The following CHODL variants were observed in gnomAD, a reference collection of about 807,000 sequenced individuals.
CHODL encodes chondrolectin, also known as transmembrane protein MT75.
Under a neutral mutation model 34.5 loss-of-function variants are expected in CHODL, and 29 were observed. The observed-to-expected ratio is 0.84, with a 90% CI of 0.63 to 1.15. The LOEUF is 1.15. Ranked by LOEUF, CHODL falls within the 50% of genes most tolerant of loss-of-function variation. The pLI is 0.00. For missense variants in CHODL, 332 were observed against 332.5 expected (o/e 1.00, Z 0.01); for synonymous variants, 125 against 116.1 (o/e 1.08, Z -0.49).
At chr21:18,185,833 C>G (rs7279833) in intron 2 of CHODL, among the ~76,000 whole-genome samples, 13,811 of 152,136 alleles carry the variant, frequency 0.091, 700 homozygotes, top group East Asian at 0.21. Context: ...TTTCACTAAC[C>G]TTATATGGTA....
chr21:18,167,472 G>T (rs1174052704), intron 2 of CHODL, among the ~76,000 whole-genome samples: 2 of 151,618 alleles, frequency 1.3e-5, no homozygotes, highest in Non-Finnish European at 2.9e-5. Flanking sequence ...ACCACGCCCG[G>T]CTAATTTTTT....
In CHODL at chr21:17,974,355, C is replaced by T. The variant is rs561820391; in HGVS notation, c.-144-53517C>T. On this transcript the variant is annotated intron_variant, in intron 1 of 6. Coordinates refer to the CHODL transcript ENST00000400127. ...TGGTGCGGTCTTGGCTCACTGCAAC[C>T]TCCGCCTCCTGGGTTCAAACAATTC... Among the ~76,000 whole-genome samples the T allele has an allele frequency of 2.0e-5, 3 of 152,250 alleles. No individual in the cohort carries two copies. In the South Asian group the frequency reaches 6.2e-4, roughly 32 times the overall value.
intron 2 of CHODL, among the ~76,000 whole-genome samples, chr21:18,107,046 GA>G (rs751619227): frequency 2.0e-5 from 3 of 152,218 alleles, no homozygotes; most frequent in Non-Finnish European, 4.4e-5. Context: ...GACCTCTGGA[GA>G]ACCCTCTCCC....
intron 2 of CHODL, among the ~76,000 whole-genome samples, chr21:18,041,198 A>G (rs1324385331): frequency 4.6e-5 from 7 of 151,914 alleles, no homozygotes; most frequent in Non-Finnish European, 8.8e-5. Flanking sequence ...TTGGCCTGTC[A>G]TAGACAGACA....
intron 1 of CHODL, chr21:18,245,879 A>T: frequency 6.5e-7 from 1 of 1,534,030 alleles, no homozygotes; most frequent in Non-Finnish European, 8.7e-7. Flanking sequence ...TCCTTTGCAC[A>T]CTGCGTTCCA....
At chr21:18,229,627 G>C (rs1034661145) in intron 2 of CHODL, among the ~76,000 whole-genome samples, 7 of 152,104 alleles carry the variant, frequency 4.6e-5, no homozygotes, top group Admixed American at 3.9e-4. Context: ...TAATTCTTCA[G>C]TGTTAGGGTG....
chr21:17,999,516 A>G (rs895035089), intron 1 of CHODL, among the ~76,000 whole-genome samples: 10 of 152,216 alleles, frequency 6.6e-5, no homozygotes, highest in African/African-American at 2.2e-4. Flanking sequence ...TGTGGAAAAA[A>G]AAAGGTTTAA....
Position 17,923,923 on chromosome 21 carries a change from G to A in CHODL, c.-145+6523G>A, listed in dbSNP as rs1325304095. ...ACTTACTTGAGTTTTGAAACAGGTTGAAGTCAAAGAAGCTGAGAGTCAGGA... is the reference window on the plus strand; with the variant it reads ...ACTTACTTGAGTTTTGAAACAGGTTAAAGTCAAAGAAGCTGAGAGTCAGGA... On this transcript the variant is annotated intron_variant, in intron 1 of 6. Coordinates refer to the CHODL transcript ENST00000400127. 3.9e-5 allele frequency among the ~76,000 whole-genome samples: 6 copies of A among 152,230 alleles called. No individual in the cohort carries two copies. In the South Asian group the frequency reaches 8.3e-4, roughly 21 times the overall value.
intron 2 of CHODL, among the ~76,000 whole-genome samples, chr21:18,094,260 C>A (rs2065110873): frequency 6.6e-6 from 1 of 152,062 alleles, no homozygotes. Context: ...TATCTCAATA[C>A]AATAATAGCT....
intron 2 of CHODL, among the ~76,000 whole-genome samples, chr21:18,237,096 T>C (rs372999552): frequency 1.6e-4 from 24 of 152,112 alleles, no homozygotes; most frequent in African/African-American, 5.6e-4. Flanking sequence ...GTAAGCTTCA[T>C]GTAGGATGTG....
At chr21:18,186,358 C>G (rs1307606890) in intron 2 of CHODL, among the ~76,000 whole-genome samples, 1 of 150,734 alleles carries the variant, frequency 6.6e-6, no homozygotes, top group Non-Finnish European at 1.5e-5. Context: ...TCAGAATGAT[C>G]TGAATAAGGA....
intron 2 of CHODL, among the ~76,000 whole-genome samples, chr21:18,058,929 G>A (rs1273759961): frequency 6.6e-6 from 1 of 152,094 alleles, no homozygotes; most frequent in Non-Finnish European, 1.5e-5. Context: ...AGTCTTATCA[G>A]TGCTCCTTGC....
At chr21:18,251,522 T>A (rs9941788) in intron 1 of CHODL, among the ~76,000 whole-genome samples, 914 of 1,776 alleles carry the variant, frequency 0.51, 190 homozygotes, top group Middle Eastern at 0.75. Context: ...ATATAAAATA[T>A]TTATTTTATT....
chr21:18,246,636 T>G (rs1326737464), intron 1 of CHODL, among the ~76,000 whole-genome samples: 1 of 152,206 alleles, frequency 6.6e-6, no homozygotes, highest in East Asian at 1.9e-4. Flanking sequence ...CTTATCTGTC[T>G]TTGTATTTAT....
chr21:18,262,185 A>C (rs180746751), intron 4 of CHODL, among the ~76,000 whole-genome samples: 13 of 152,310 alleles, frequency 8.5e-5, no homozygotes, highest in African/African-American at 2.9e-4. Flanking sequence ...GTTTGATATC[A>C]CTACAGATCA....
At position 18,036,977 on chromosome 21, in the gene CHODL, GA is replaced by G. The variant is rs542108347; in HGVS notation, c.-45+9010del. 4.0e-4 allele frequency among the ~76,000 whole-genome samples: 61 copies of G among 151,928 alleles called. 1 individual carries two copies. Among genetic ancestry groups the G allele is most frequent in the Admixed American group, 1.5e-3 (23 of 15,222 alleles). ...TATTTTAATATCTAAAACCACACCT[GA>G]AAACCAAAACAATTTTGAGGAGACT... On this transcript the variant is annotated intron_variant, in intron 2 of 6. Transcript: ENST00000400127.
At chr21:18,009,574 T>C (rs937215084) in intron 1 of CHODL, among the ~76,000 whole-genome samples, 1 of 152,188 alleles carries the variant, frequency 6.6e-6, no homozygotes, top group Non-Finnish European at 1.5e-5. Flanking sequence ...CTTAATGCTA[T>C]ACAACCTAAT....
chr21:17,929,215 CTT>C (rs1430717263), intron 1 of CHODL, among the ~76,000 whole-genome samples: 1 of 152,186 alleles, frequency 6.6e-6, no homozygotes, highest in Admixed American at 6.5e-5. Context: ...AAAGTAATGT[CTT>C]TGGCTAGTTG....
At chr21:18,254,115 A>G (rs1360373987) in intron 1 of CHODL, among the ~76,000 whole-genome samples, 3 of 150,580 alleles carry the variant, frequency 2.0e-5, no homozygotes, top group Non-Finnish European at 4.4e-5. Flanking sequence ...TACTGTAATT[A>G]AAGTACAAAG....
Sources: allele counts gnomAD v4.1 joint callset (sites outside exome capture counted in the v4.1 genomes callset), GRCh38; gene constraint gnomAD v4.1.1; transcripts MANE v1.5; gene names NCBI Gene and HGNC (gene_info 2026-07-23, HGNC 2026-07-21).